The following KLHL15 variants were observed in gnomAD, a reference collection of about 807,000 sequenced individuals.
KLHL15 encodes kelch-like protein 15.
Under a neutral mutation model 29.3 loss-of-function variants are expected in KLHL15, and 1 was observed. The observed-to-expected ratio is 0.03, with a 90% CI of 0.01 to 0.16. The LOEUF (loss-of-function observed/expected upper bound fraction) is 0.16. Among genes scored for constraint, KLHL15 ranks in the 10% least tolerant of loss-of-function variants. KLHL15 has a pLI of 1.00. For missense variants in KLHL15, 215 were observed against 478.5 expected (o/e 0.45, Z 5.14); for synonymous variants, 212 against 184.5 (o/e 1.15, Z -1.21).
At chrX:24,004,024 T>A (rs1263005192) in intron 3 of KLHL15, among the ~76,000 whole-genome samples, 1 of 108,668 alleles carries the variant, frequency 9.2e-6, no homozygotes, top group Non-Finnish European at 1.9e-5. Flanking sequence ...GAGGACTACA[T>A]AGATACTGCA....
At chrX:23,993,773 A>C (rs757668940) in intron 3 of KLHL15, among the ~76,000 whole-genome samples, 57 of 110,738 alleles carry the variant, frequency 5.1e-4, no homozygotes, top group African/African-American at 1.8e-3. Flanking sequence ...TCACACCTGT[A>C]ATCTCAGCAC....
At chrX:24,022,341 TAA>T (rs1354214505) in intron 2 of KLHL15, among the ~76,000 whole-genome samples, 30 of 41,069 alleles carry the variant, frequency 7.3e-4, no homozygotes, top group Non-Finnish European at 9.1e-4. Flanking sequence ...TCTCAAAAGA[TAA>T]AAAAAAAAAA....
At chrX:24,019,154 T>C (rs1480374797) in intron 2 of KLHL15, among the ~76,000 whole-genome samples, 2 of 112,599 alleles carry the variant, frequency 1.8e-5, no homozygotes, top group Non-Finnish European at 3.8e-5. Context: ...TAAAGAGATA[T>C]GCAAAAATTT....
intron 3 of KLHL15, among the ~76,000 whole-genome samples, chrX:24,002,023 C>T (rs999668197): frequency 1.7e-4 from 18 of 108,126 alleles, no homozygotes; most frequent in African/African-American, 6.1e-4. Flanking sequence ...GTCCCAGCTA[C>T]TCGGGAGGCT....
chrX:24,020,385 C>T (rs1310135527), intron 2 of KLHL15, among the ~76,000 whole-genome samples: 1 of 111,772 alleles, frequency 8.9e-6, no homozygotes, highest in African/African-American at 3.3e-5. Context: ...TGGGAGGAGA[C>T]GTTGTGTAAG....
rs1162597169 is a variant in KLHL15 at position 23,986,655 on chromosome X, AC to A, written c.*1265del. ...ATGCTAATAGCTTTCAGTAAATAAA[AC>A]AAAAACTGAGGGCTTACATCCCTAG... is the stretch of plus-strand genomic sequence containing the variant. On this transcript the variant is annotated 3_prime_UTR_variant, in exon 4 of 4. Transcript: ENST00000328046. 1 of 112,489 alleles carries A rather than the reference AC, an allele frequency of 8.9e-6. No homozygotes were observed. Among genetic ancestry groups the A allele is most frequent in the East Asian group, 2.7e-4 (1 of 3,646 alleles). The allele number at this position is 112,489 out of a possible 1,213,427, so 9.3% of individuals were successfully genotyped here. A position where few individuals can be genotyped will look rare whatever the true frequency, so the allele number is the denominator to read the frequency against.
chrX:24,007,522 T>C (rs1465871305), intron 2 of KLHL15, among the ~76,000 whole-genome samples: 11 of 98,064 alleles, frequency 1.1e-4, no homozygotes, highest in Non-Finnish European at 2.2e-4. Context: ...TATATATATA[T>C]ATATATATAT....
chrX:24,007,508 AATATATAT>A lies in KLHL15; in HGVS notation c.-7-816_-7-809del, dbSNP rs759758947. 7.1e-3 allele frequency among the ~76,000 whole-genome samples: 255 copies of A among 35,915 alleles called. 2 individuals carry two copies. The highest frequency in any genetic ancestry group is 0.023 in the African/African-American group (156 of 6,773). 31.2% of individuals were successfully genotyped at this position (35,915 alleles called of 115,157 possible). ...CCCATTTCCAAAAAAAAAAAAAAAA[AATATATAT>A]ATATATATATATATATATATCAAAC... On this transcript the variant is annotated intron_variant, in intron 2 of 3. Coordinates refer to ENST00000328046, the MANE Select transcript of KLHL15 (RefSeq NM_030624.3).
chrX:24,004,667 G>A (rs1247701249), intron 3 of KLHL15, among the ~76,000 whole-genome samples: 4 of 109,328 alleles, frequency 3.7e-5, no homozygotes, highest in African/African-American at 1.0e-4. Flanking sequence ...GCTGACGCCT[G>A]TAATCCCAGC....
chrX:24,009,617 T>C (rs1400335671), intron 2 of KLHL15, among the ~76,000 whole-genome samples: 1 of 94,141 alleles, frequency 1.1e-5, no homozygotes, highest in Non-Finnish European at 2.0e-5. Context: ...ACCCAGCAGG[T>C]GGAGGTCACA....
At chrX:24,020,812 T>C (rs1308371660) in intron 2 of KLHL15, among the ~76,000 whole-genome samples, 1 of 111,916 alleles carries the variant, frequency 8.9e-6, no homozygotes, top group African/African-American at 3.2e-5. Flanking sequence ...TAACATGAAA[T>C]CACAAATACT....
chrX:24,005,933 C>A, intron 3 of KLHL15, 56 bp downstream of exon 3: 1 of 892,970 alleles, frequency 1.1e-6, no homozygotes. Context: ...TCTATAAAGA[C>A]ATACACTGCC....
At chrX:24,024,263 A>G (rs912820176) in intron 2 of KLHL15, among the ~76,000 whole-genome samples, 13 of 112,300 alleles carry the variant, frequency 1.2e-4, no homozygotes, top group Non-Finnish European at 3.8e-5. Flanking sequence ...TTATTTGCTT[A>G]TATTTATAAT....
chrX:23,997,712 C>A (rs1250883516), intron 3 of KLHL15, among the ~76,000 whole-genome samples: 2 of 67,455 alleles, frequency 3.0e-5, no homozygotes, highest in African/African-American at 1.3e-4. Flanking sequence ...GCCTGGTCAA[C>A]AGAGTGAGAC....
chrX:24,016,549 C>A (rs1207825584), intron 2 of KLHL15, among the ~76,000 whole-genome samples: 1 of 108,283 alleles, frequency 9.2e-6, no homozygotes, highest in African/African-American at 3.4e-5. Context: ...CGCCTGTAAT[C>A]CCAGCTAGTC....
chrX:24,006,460 T>C lies in KLHL15; in HGVS notation c.234A>G (p.Thr78=), dbSNP rs1398932081. 1 of 1,211,075 alleles carries C rather than the reference T, an allele frequency of 8.3e-7. No individual in the cohort carries two copies. The highest frequency in any genetic ancestry group is 3.0e-5 in the East Asian group (1 of 33,848). ...GCAGGACATGGCTGAAACCGGTAGC[T>C]GTTAGACCTTTTAAATGAATTTTGT... The part of the protein sequence containing the change: ...DQDKIHLKGL[T]ATGFSHVLQF... Residue 78 remains threonine, a synonymous_variant, in exon 3 of 4, where the codon ACA becomes ACG. Transcript: ENST00000328046.
chrX:23,995,062 GA>G (rs1261187635), intron 3 of KLHL15, among the ~76,000 whole-genome samples: 1 of 111,293 alleles, frequency 9.0e-6, no homozygotes, highest in Non-Finnish European at 1.9e-5. Flanking sequence ...TGAAGTATGA[GA>G]AATGATTAAC....
chrX:24,024,844 G>T lies in KLHL15; in HGVS notation c.-8+13C>A, dbSNP rs1300200033. The T allele has an allele frequency of 6.8e-6, 2 of 295,108 alleles. No individual in the cohort carries two copies. The highest frequency in any genetic ancestry group is 1.2e-5 in the Non-Finnish European group (2 of 169,100). The allele number at this position is 295,108 out of a possible 1,213,427, so 24.3% of individuals were successfully genotyped here. A position where few individuals can be genotyped will look rare whatever the true frequency, so the allele number is the denominator to read the frequency against. ...CGGGCTCCGCAGGCCGGCGGCCAGGGGCGGCTACGTACCTCGGGGGGTCCT... is the reference window on the plus strand; with the variant it reads ...CGGGCTCCGCAGGCCGGCGGCCAGGTGCGGCTACGTACCTCGGGGGGTCCT... On this transcript the variant is annotated intron_variant, in intron 2 of 3. Coordinates refer to ENST00000328046, the MANE Select transcript of KLHL15 (RefSeq NM_030624.3).
chrX:24,007,134 C>T (rs1929460379), intron 2 of KLHL15, among the ~76,000 whole-genome samples: 1 of 110,866 alleles, frequency 9.0e-6, no homozygotes, highest in African/African-American at 3.3e-5. Context: ...TTTGAGGCTA[C>T]AGTGAGCTAT....
Sources: gnomAD v4.1 joint callset for allele counts (sites outside exome capture counted in the v4.1 genomes callset) on GRCh38, gnomAD v4.1.1 for gene constraint, MANE v1.5 for transcripts, NCBI Gene and HGNC (gene_info 2026-07-23, HGNC 2026-07-21) for gene names.